Variants in PDCD11 observed in about 807,000 individuals in gnomAD.
PDCD11 encodes the protein protein RRP5 homolog.
PDCD11 carries 97 observed loss-of-function variants against 198.9 expected under a neutral mutation model. The ratio of observed to expected loss-of-function variants is 0.49; its 90% confidence interval spans 0.41 to 0.58. The LOEUF (loss-of-function observed/expected upper bound fraction) is 0.58, where lower values mean the gene tolerates loss of function less well. PDCD11 is among the 20% of genes least tolerant of loss of function. PDCD11 has a pLI of 0.00. For missense variants in PDCD11, 2,102 were observed against 2,312.7 expected (o/e 0.91, Z 1.87); for synonymous variants, 893 against 918.0 (o/e 0.97, Z 0.49).
chr10:103,418,093 G>A (rs2031214684), intron 14 of PDCD11, among the ~76,000 whole-genome samples, 161 bp downstream of exon 14: 1 of 152,184 alleles, frequency 6.6e-6, no homozygotes, highest in Non-Finnish European at 1.5e-5. Context: ...CTGTGTGTCA[G>A]AACAAATGGA....
intron 3 of PDCD11, among the ~76,000 whole-genome samples, chr10:103,402,322 G>A (rs2030146367): frequency 6.6e-6 from 1 of 152,194 alleles, no homozygotes; most frequent in South Asian, 2.1e-4. Flanking sequence ...TAACACTGTT[G>A]TATAATCTAG....
In PDCD11 at chr10:103,443,400, G is replaced by T. The variant is rs1043507324; in HGVS notation, c.5124+67G>T. The stretch of plus-strand genomic sequence containing the variant: ...GCCACAATCTCAGAGAAGAGCCCCT[G>T]GGGTGCTGGGTCCAGTCCTGCTGTG... On this transcript the variant is annotated intron_variant, in intron 33 of 35. Transcript: ENST00000369797. 6.5e-5 allele frequency: 94 copies of T among 1,436,200 alleles called. No homozygotes were observed. The Admixed American group carries it at 1.9e-3, about 29-fold the overall frequency. 89.0% of individuals were successfully genotyped at this position (1,436,200 alleles called of 1,614,324 possible). A position where few individuals can be genotyped will look rare whatever the true frequency, so the allele number is the denominator to read the frequency against.
chr10:103,445,618 C>A lies in PDCD11; in HGVS notation c.*69C>A. Reference sequence around the variant, plus strand: ...CGGCCCCGCCTCGAGTGCCTGGGCACTCGGAAAACTGTTACCTCAGGACTC... The same window carrying A: ...CGGCCCCGCCTCGAGTGCCTGGGCAATCGGAAAACTGTTACCTCAGGACTC... On this transcript the variant is annotated 3_prime_UTR_variant, in exon 36 of 36. Coordinates refer to ENST00000369797, the MANE Select transcript of PDCD11 (RefSeq NM_014976.2). 7.4e-7 allele frequency: 1 copy of A among 1,347,978 alleles called. No homozygotes were observed. Among genetic ancestry groups the A allele is most frequent in the Non-Finnish European group, 1.0e-6 (1 of 963,702 alleles). The allele number at this position is 1,347,978 out of a possible 1,614,324, so 83.5% of individuals were successfully genotyped here.
rs2030902868 is a variant in PDCD11, at chr10:103,413,158, G to C, written c.1021G>C (p.Val341Leu). 6.2e-7 allele frequency: 1 copy of C among 1,614,018 alleles called. No individual in the cohort carries two copies. ...ILCVHPRTRV[V>L]HLSLRPIFLQ... Reference sequence around the variant, plus strand: ...TTGCGTCCATCCTCGAACCAGAGTTGTGCACCTGAGCCTGCGCCCCATCTT... The same window carrying C: ...TTGCGTCCATCCTCGAACCAGAGTTCTGCACCTGAGCCTGCGCCCCATCTT... Residue 341 changes from valine (V) to leucine (L), a missense_variant, in exon 9 of 36, where the codon GTG becomes CTG. By Grantham distance (32) the Val-to-Leu change is conservative. Coordinates refer to ENST00000369797, the MANE Select transcript of PDCD11 (RefSeq NM_014976.2).
In PDCD11 at chr10:103,425,158, C is replaced by G. The variant is rs1300248282; in HGVS notation, c.2938C>G (p.Leu980Val). The part of the protein sequence containing the change: ...LQVGQGVSLT[L>V]KTTEPGVTGL... Reference sequence around the variant, plus strand: ...GGTGGGACAGGGTGTCTCCCTAACCCTCAAGACCACAGAACCAGGAGTGAC... The same window carrying G: ...GGTGGGACAGGGTGTCTCCCTAACCGTCAAGACCACAGAACCAGGAGTGAC... Residue 980 changes from leucine (L) to valine (V), a missense_variant, in exon 20 of 36, where the codon CTC becomes GTC. Transcript: ENST00000369797. 2 of 1,614,070 alleles carry G rather than the reference C, an allele frequency of 1.2e-6. No homozygotes were observed. The highest frequency in any genetic ancestry group is 2.2e-5 in the South Asian group (2 of 91,090).
Position 103,405,909 on chromosome 10 carries a change from C to A in PDCD11, c.565-76C>A. On this transcript the variant is annotated intron_variant, in intron 5 of 35. Coordinates refer to ENST00000369797, the MANE Select transcript of PDCD11 (RefSeq NM_014976.2). Reference sequence around the variant, plus strand: ...CAGAGTGTGAGCTTAGTGGCAGGAACATTCAAGTTTGGATGTTTTGTGTGT... The same window carrying A: ...CAGAGTGTGAGCTTAGTGGCAGGAAAATTCAAGTTTGGATGTTTTGTGTGT... The A allele has an allele frequency of 1.8e-5, 27 of 1,501,004 alleles. No individual in the cohort carries two copies. The East Asian group carries it at 1.8e-4, about 10-fold the overall frequency. 93.0% of individuals were successfully genotyped at this position (1,501,004 alleles called of 1,614,324 possible). A position where few individuals can be genotyped will look rare whatever the true frequency, so the allele number is the denominator to read the frequency against.
chr10:103,410,670 G>A (rs541642759), intron 8 of PDCD11, among the ~76,000 whole-genome samples: 3 of 148,394 alleles, frequency 2.0e-5, no homozygotes, highest in African/African-American at 7.5e-5. Flanking sequence ...GTGCAGTGGC[G>A]CAAACACGGC....
chr10:103,416,775 C>T (rs1371672550), intron 13 of PDCD11, 33 bp downstream of exon 13: 1 of 1,602,218 alleles, frequency 6.2e-7, no homozygotes. Context: ...CCCCTTTACC[C>T]TTGGTGACCC....
chr10:103,406,573 C>G (rs377372668), intron 6 of PDCD11, 36 bp from the exon 7 acceptor site: 3 of 1,594,714 alleles, frequency 1.9e-6, no homozygotes, highest in Non-Finnish European at 2.6e-6. Context: ...CTCATAGATA[C>G]ATTTTTCCTT....
Position 103,421,452 on chromosome 10 carries a change from G to A in PDCD11, c.2382G>A (p.Leu794=), listed in dbSNP as rs1314757673. Residue 794 remains leucine, a synonymous_variant, in exon 17 of 36, where the codon CTG becomes CTA. Transcript: ENST00000369797. ...TNVDEEKQRM[L]LSLRLSDCGL... ...TGGATGAGGAGAAGCAGCGGATGCT[G>A]CTGTCACTGCGGCTGTCGGACTGTG... 1 of 1,604,620 alleles carries A rather than the reference G, an allele frequency of 6.2e-7. No homozygotes were observed. The highest frequency in any genetic ancestry group is 1.7e-5 in the Admixed American group (1 of 58,296).
chr10:103,443,637 C>T (rs556766997), intron 33 of PDCD11, among the ~76,000 whole-genome samples: 5 of 152,200 alleles, frequency 3.3e-5, no homozygotes, highest in Admixed American at 6.5e-5. Flanking sequence ...TCCGCTCTGG[C>T]GTCTCTCCTA....
chr10:103,426,746 A>G (rs2031709973), intron 20 of PDCD11, among the ~76,000 whole-genome samples: 2 of 151,380 alleles, frequency 1.3e-5, no homozygotes, highest in African/African-American at 4.9e-5. Context: ...AGATTGTGCC[A>G]TTGCACTCTA....
chr10:103,421,272 C>T (rs1592127893), intron 16 of PDCD11, 76 bp from the exon 17 acceptor site: 1 of 1,215,066 alleles, frequency 8.2e-7, no homozygotes, highest in East Asian at 2.5e-5. Flanking sequence ...TCACGTACCC[C>T]TTTCCAGGAA....
At chr10:103,402,383 CAT>C (rs1412372981) in intron 3 of PDCD11, among the ~76,000 whole-genome samples, 1 of 152,152 alleles carries the variant, frequency 6.6e-6, no homozygotes, top group Non-Finnish European at 1.5e-5. Flanking sequence ...GATATGTACA[CAT>C]GTGTATTTCT....
At position 103,434,113 on chromosome 10, in the gene PDCD11, C is replaced by G. The variant is rs540412123; in HGVS notation, c.3564+76C>G. On this transcript the variant is annotated intron_variant, in intron 23 of 35. Coordinates refer to ENST00000369797, the MANE Select transcript of PDCD11 (RefSeq NM_014976.2). The stretch of plus-strand genomic sequence containing the variant: ...GCCCAGTGCCTGGTGTGTGGGTTTA[C>G]AGTGGATTTGAGGAAGCTTGTTCTT... The G allele has an allele frequency of 3.0e-5, 39 of 1,314,146 alleles. No homozygotes were observed. The African/African-American group carries it at 3.8e-4, about 13-fold the overall frequency. The allele number at this position is 1,314,146 out of a possible 1,614,324, so 81.4% of individuals were successfully genotyped here.
At chr10:103,405,293 G>A (rs2030378930) in intron 5 of PDCD11, 110 bp downstream of exon 5, 1 of 1,068,618 alleles carries the variant, frequency 9.4e-7, no homozygotes. Context: ...ACACATAGGA[G>A]TGGTTCTTTT....
intron 3 of PDCD11, among the ~76,000 whole-genome samples, 195 bp from the exon 4 acceptor site, chr10:103,402,923 G>A (rs189529907): frequency 1.1e-4 from 16 of 152,092 alleles, no homozygotes; most frequent in East Asian, 3.9e-4. Context: ...GAGAAACTAC[G>A]TTGCCCAGGC....
chr10:103,402,999 G>A lies in PDCD11; in HGVS notation c.235-119G>A, dbSNP rs1236632187. 5 of 931,000 alleles carry A rather than the reference G, an allele frequency of 5.4e-6. No homozygotes were observed. The Admixed American group carries it at 1.1e-4, about 21-fold the overall frequency. The allele number at this position is 931,000 out of a possible 1,614,324, so 57.7% of individuals were successfully genotyped here. ...GCCACCCAAAGTATTGGAATTATAG[G>A]GCGTAAGCCACTGTGCTTGGCCTTA... is the stretch of plus-strand genomic sequence containing the variant. On this transcript the variant is annotated intron_variant, in intron 3 of 35. Coordinates refer to ENST00000369797, the MANE Select transcript of PDCD11 (RefSeq NM_014976.2).
intron 7 of PDCD11, among the ~76,000 whole-genome samples, chr10:103,407,551 A>G (rs999231370): frequency 8.6e-5 from 13 of 152,014 alleles, no homozygotes; most frequent in African/African-American, 2.9e-4. Context: ...CGACTGTGCG[A>G]GACTCCGTCT....
Sources: allele counts gnomAD v4.1 joint callset (sites outside exome capture counted in the v4.1 genomes callset), GRCh38; gene constraint gnomAD v4.1.1; transcripts MANE v1.5; gene names NCBI Gene and HGNC (gene_info 2026-07-23, HGNC 2026-07-21).